Variants in CAGE1 observed in about 807,000 individuals in gnomAD.
CAGE1 encodes cancer antigen 1.
CAGE1 carries 66 observed loss-of-function variants against 94.9 expected under a neutral mutation model. That is an observed-to-expected ratio of 0.70 (90% CI 0.57 to 0.85). CAGE1 has a LOEUF of 0.85. Among genes scored for constraint, CAGE1 ranks in the 40% least tolerant of loss-of-function variants. The pLI, the probability that CAGE1 is intolerant of heterozygous loss-of-function variation, is 0.00. For missense variants in CAGE1, 865 were observed against 950.4 expected, an observed-to-expected ratio of 0.91 and a Z score of 1.18; for synonymous variants, 319 against 321.0, an observed-to-expected ratio of 0.99 and a Z score of 0.07.
At chr6:7,376,576 T>C (rs1305384522) in intron 4 of CAGE1, among the ~76,000 whole-genome samples, 1 of 152,014 alleles carries the variant, frequency 6.6e-6, no homozygotes, top group African/African-American at 2.4e-5. Context: ...GTGAGCCAGA[T>C]AAATTGTTAT....
intron 9 of CAGE1, among the ~76,000 whole-genome samples, chr6:7,363,563 G>A (rs1468739066): frequency 6.6e-6 from 1 of 152,026 alleles, no homozygotes. Flanking sequence ...CCACATTCAG[G>A]ATTTGTCATT....
At chr6:7,369,014 T>A (rs1407881313) in intron 6 of CAGE1, among the ~76,000 whole-genome samples, 1 of 151,116 alleles carries the variant, frequency 6.6e-6, no homozygotes, top group African/African-American at 2.4e-5. Flanking sequence ...ATTTTAATTT[T>A]TTTTTTTTTT....
chr6:7,328,624 G>A (rs1758613650), intron 13 of CAGE1, among the ~76,000 whole-genome samples: 1 of 151,962 alleles, frequency 6.6e-6, no homozygotes, highest in Admixed American at 6.6e-5. Context: ...GGGAGGATAG[G>A]GAGAAGTTGG....
chr6:7,364,422 G>T (rs1194057512), intron 9 of CAGE1, among the ~76,000 whole-genome samples: 1 of 152,024 alleles, frequency 6.6e-6, no homozygotes, highest in Non-Finnish European at 1.5e-5. Context: ...TTAGTGATTA[G>T]CTTATTTAAT....
intron 11 of CAGE1, among the ~76,000 whole-genome samples, chr6:7,345,134 GCTTTTAGGAGCTAGGTCCA>G (rs1561851660): frequency 6.4e-4 from 27 of 41,884 alleles, no homozygotes; most frequent in African/African-American, 4.3e-3. Context: ...GATCCATATT[GCTTTTAGGAGCTAGGTCCA>G]TATTGCTTTT....
rs1223638404 is a variant in CAGE1, at chr6:7,385,842, CATT to C, written c.223_225del (p.Asn75del). The C allele has an allele frequency of 3.2e-6, 5 of 1,539,780 alleles. No individual in the cohort carries two copies. In the African/African-American group the frequency reaches 6.9e-5, roughly 21 times the overall value. Reference sequence around the variant, plus strand: ...TCTTCACAAAGTGTGGATTCATACTCATTTTCCCTTTCAAAATTCTTTATTTCG... The same window carrying C: ...TCTTCACAAAGTGTGGATTCATACTCTTCCCTTTCAAAATTCTTTATTTCG... On this transcript the variant is annotated inframe_deletion, in exon 3 of 14. Coordinates refer to ENST00000502583, the MANE Select transcript of CAGE1 (RefSeq NM_001170692.2).
At chr6:7,337,780 CAG>C (rs1371069310) in intron 11 of CAGE1, among the ~76,000 whole-genome samples, 31 of 152,194 alleles carry the variant, frequency 2.0e-4, no homozygotes, top group Admixed American at 2.0e-3. Flanking sequence ...GTCTTAGAAT[CAG>C]AGTTTCCCTC....
chr6:7,342,029 A>G (rs1194476112), intron 11 of CAGE1: 7 of 849,782 alleles, frequency 8.2e-6, no homozygotes, highest in Non-Finnish European at 1.4e-5. Flanking sequence ...TCCTTATGAT[A>G]TTTGTCTTTT....
Position 7,365,546 on chromosome 6 carries a change from C to T in CAGE1, c.2115G>A (p.Lys705=), listed in dbSNP as rs2113433801. The T allele has an allele frequency of 1.2e-6, 2 of 1,611,568 alleles. No individual in the cohort carries two copies. Among genetic ancestry groups the T allele is most frequent in the East Asian group, 4.5e-5 (2 of 44,812 alleles). ...KVIDCDSDEA[K]SIRDVPTLLG... is the part of the protein sequence containing the mutation. ...GAAGGGTAGGTACATCTCTGATACT[C>T]TTGGCTTCATCTGAATCACAGTCTA... Residue 705 remains lysine (K), a synonymous_variant, in exon 9 of 14, where the codon AAG becomes AAA. Coordinates refer to ENST00000502583, the MANE Select transcript of CAGE1 (RefSeq NM_001170692.2).
chr6:7,335,305 C>T (rs1458278292), intron 11 of CAGE1, among the ~76,000 whole-genome samples: 1 of 152,190 alleles, frequency 6.6e-6, no homozygotes, highest in Admixed American at 6.5e-5. Context: ...GTGATTAGAA[C>T]TTGGATATCT....
At chr6:7,360,753 G>A (rs1470266354) in intron 9 of CAGE1, among the ~76,000 whole-genome samples, 1 of 152,130 alleles carries the variant, frequency 6.6e-6, no homozygotes, top group Non-Finnish European at 1.5e-5. Flanking sequence ...AGACCAGCCT[G>A]TCTAACATGG....
At chr6:7,327,866 G>T (rs546517062) in intron 13 of CAGE1, among the ~76,000 whole-genome samples, 3 of 152,214 alleles carry the variant, frequency 2.0e-5, no homozygotes, top group African/African-American at 4.8e-5. Context: ...GGAAGTGGAG[G>T]TTGCAGTGAG....
chr6:7,329,930 G>A (rs761843725), intron 12 of CAGE1, 42 bp from the exon 13 acceptor site: 6 of 905,552 alleles, frequency 6.6e-6, no homozygotes, highest in Non-Finnish European at 1.1e-5. Context: ...AGGAGGAAGG[G>A]GGGACTGAAA....
intron 3 of CAGE1, among the ~76,000 whole-genome samples, chr6:7,382,717 C>A (rs1351537745): frequency 6.6e-6 from 1 of 151,740 alleles, no homozygotes; most frequent in Non-Finnish European, 1.5e-5. Context: ...CAAGACCAGC[C>A]TGGCCTACAT....
At chr6:7,375,520 TGAGACCAGGAGTTG>T (rs761119803) in intron 4 of CAGE1, among the ~76,000 whole-genome samples, 4 of 152,164 alleles carry the variant, frequency 2.6e-5, no homozygotes, top group African/African-American at 4.8e-5. Flanking sequence ...GAGGATTCCT[TGAGACCAGGAGTTG>T]GAGACCAGTT....
chr6:7,369,010 ATTT>A (rs34755964), intron 6 of CAGE1, among the ~76,000 whole-genome samples: 1 of 139,650 alleles, frequency 7.2e-6, no homozygotes. Flanking sequence ...TTTTATTTTA[ATTT>A]TTTTTTTTTT....
chr6:7,362,583 G>A lies in CAGE1; in HGVS notation c.2193+2885C>T, dbSNP rs533268356. On this transcript the variant is annotated intron_variant, in intron 9 of 13. Transcript: ENST00000502583. The surrounding 1 kb of genome is among the most constrained non-coding windows in gnomAD (Gnocchi z 4.1). ...GTCAGAACTGTGAAGAGGAGCCAAC[G>A]GCAAGGGGTCAGAAGGACATGAGAG... 1.9e-4 allele frequency among the ~76,000 whole-genome samples: 29 copies of A among 152,294 alleles called. No individual in the cohort carries two copies. The highest frequency in any genetic ancestry group is 3.5e-4 in the Non-Finnish European group (24 of 68,022).
Position 7,373,325 on chromosome 6 carries a change from G to C in CAGE1, c.1494C>G (p.Asn498Lys). 6.2e-7 allele frequency: 1 copy of C among 1,610,206 alleles called. No homozygotes were observed. The highest frequency in any genetic ancestry group is 8.5e-7 in the Non-Finnish European group (1 of 1,178,570). Reference sequence around the variant, plus strand: ...ATTTCAGTTTCTGTCTTTCTTCCAGGTTTTCCTTTTCAAGTTTCTGGAATT... The same window carrying C: ...ATTTCAGTTTCTGTCTTTCTTCCAGCTTTTCCTTTTCAAGTTTCTGGAATT... ...QEEFQKLEKE[N>K]LEERQKLKSR... The change falls in exon 5 of 14, where the codon AAC becomes AAG. Residue 498 changes from asparagine to lysine, a missense_variant. Coordinates refer to ENST00000502583, the MANE Select transcript of CAGE1 (RefSeq NM_001170692.2).
intron 11 of CAGE1, chr6:7,341,689 G>A (rs1561849465): frequency 1.4e-6 from 1 of 714,164 alleles, no homozygotes; most frequent in Non-Finnish European, 2.6e-6. Flanking sequence ...GTACAGGCAG[G>A]AGCTAAAGTC....
Sources: gnomAD v4.1 joint callset for allele counts (sites outside exome capture counted in the v4.1 genomes callset) on GRCh38, gnomAD v4.1.1 for gene constraint, Gnocchi (gnomAD v3.1) non-coding constraint, MANE v1.5 for transcripts, NCBI Gene and HGNC (gene_info 2026-07-23, HGNC 2026-07-21) for gene names.